The following SLC25A24 variants were observed in gnomAD, a reference collection of about 807,000 sequenced individuals.
SLC25A24 encodes the protein solute carrier family 25 member 24.
SLC25A24 carries 49 observed loss-of-function variants against 60.7 expected under a neutral mutation model. The ratio of observed to expected loss-of-function variants is 0.81; its 90% CI spans 0.64 to 1.02. The LOEUF is 1.02. SLC25A24 is among the 50% of genes least tolerant of loss of function. SLC25A24 has a pLI of 0.00. For synonymous variants in SLC25A24, 202 were observed against 200.6 expected (o/e 1.01, Z -0.06); for missense variants, 564 against 586.3 (o/e 0.96, Z 0.39).
Position 108,151,960 on chromosome 1 carries a change from C to A in SLC25A24, c.822+3023G>T, listed in dbSNP as rs139472622. On this transcript the variant is annotated intron_variant, in intron 6 of 9. Coordinates refer to ENST00000565488, the MANE Select transcript of SLC25A24 (RefSeq NM_013386.5). Reference sequence around the variant, plus strand: ...TCCAAAATATTTCTCAGTTCATTCCCTTCTCCATTCCTTAAAGACATCACC... The same window carrying A: ...TCCAAAATATTTCTCAGTTCATTCCATTCTCCATTCCTTAAAGACATCACC... Among the ~76,000 whole-genome samples, 11 of 152,238 alleles carry A rather than the reference C, an allele frequency of 7.2e-5. No homozygotes were observed. The East Asian group carries it at 2.1e-3, about 29-fold the overall frequency.
intron 1 of SLC25A24, chr1:108,192,819 A>C: frequency 8.1e-7 from 1 of 1,233,894 alleles, no homozygotes; most frequent in Non-Finnish European, 1.0e-6. Context: ...TAACGGCTTC[A>C]GCGCAAAGGC....
intron 7 of SLC25A24, among the ~76,000 whole-genome samples, chr1:108,147,412 C>T (rs1679634360): frequency 6.6e-6 from 1 of 152,188 alleles, no homozygotes; most frequent in African/African-American, 2.4e-5. Flanking sequence ...CTATCTCCTT[C>T]AGTTCTGCTC....
Position 108,139,117 on chromosome 1 carries a change from G to T in SLC25A24, c.1190C>A (p.Thr397Asn). ...TGGGTAGCTGGCCAGCTGACCACAG[G>T]TGCTGGATAAGGCACCGCATCCCAG... is the stretch of plus-strand genomic sequence containing the variant. The part of the protein sequence containing the change: ...VLLGCGALSS[T>N]CGQLASYPLA... The change falls in exon 9 of 10, where the codon ACC becomes AAC. Residue 397 changes from threonine (T) to asparagine (N), a missense_variant. By Grantham distance (65) the Thr-to-Asn change is moderately conservative. Coordinates refer to ENST00000565488, the MANE Select transcript of SLC25A24 (RefSeq NM_013386.5). 1 of 1,610,558 alleles carries T rather than the reference G, an allele frequency of 6.2e-7. No homozygotes were observed. Among genetic ancestry groups the T allele is most frequent in the South Asian group, 1.1e-5 (1 of 90,078 alleles).
intron 3 of SLC25A24, among the ~76,000 whole-genome samples, chr1:108,165,790 T>G (rs1203079974): frequency 6.6e-6 from 1 of 152,200 alleles, no homozygotes; most frequent in Non-Finnish European, 1.5e-5. Flanking sequence ...TTAGTCCATT[T>G]ACATTTAAAG....
chr1:108,164,143 C>T lies in SLC25A24; in HGVS notation c.399-2850G>A, dbSNP rs868296948. Among the ~76,000 whole-genome samples, 704 of 151,900 alleles carry T rather than the reference C, an allele frequency of 4.6e-3. 4 individuals carry two copies. The highest frequency in any genetic ancestry group is 0.016 in the African/African-American group (660 of 41,448). On this transcript the variant is annotated intron_variant, in intron 3 of 9. Coordinates refer to ENST00000565488, the MANE Select transcript of SLC25A24 (RefSeq NM_013386.5). The stretch of plus-strand genomic sequence containing the variant: ...AGCCTTGCATCCCAGGGATGAAGCC[C>T]ACTTGATCATGGTGGATAAGCTTTT...
Position 108,200,062 on chromosome 1 carries a change from G to T in SLC25A24, c.77C>A (p.Thr26Asn), listed in dbSNP as rs1226913805. Residue 26 changes from threonine (T) to asparagine (N), a missense_variant, in exon 1 of 10, where the codon ACC becomes AAC. Coordinates refer to ENST00000565488, the MANE Select transcript of SLC25A24 (RefSeq NM_013386.5). ...QDAEQPTRYE[T>N]LFQALDRNGD... ...ATTGCGGTCCAGTGCCTGGAAGAGGGTCTCGTAGCGCGTCGGCTGCTCCGC... is the reference window on the plus strand; with the variant it reads ...ATTGCGGTCCAGTGCCTGGAAGAGGTTCTCGTAGCGCGTCGGCTGCTCCGC... 2 of 1,599,434 alleles carry T rather than the reference G, an allele frequency of 1.3e-6. No individual in the cohort carries two copies. The highest frequency in any genetic ancestry group is 2.3e-5 in the East Asian group (1 of 44,412).
At chr1:108,184,793 G>A (rs748600672) in intron 2 of SLC25A24, among the ~76,000 whole-genome samples, 10 of 152,022 alleles carry the variant, frequency 6.6e-5, no homozygotes, top group Non-Finnish European at 1.5e-4. Context: ...CTGGACTTCT[G>A]GACAAAAAAG....
intron 6 of SLC25A24, among the ~76,000 whole-genome samples, chr1:108,154,652 G>C (rs1173368781): frequency 6.6e-6 from 1 of 152,120 alleles, no homozygotes; most frequent in East Asian, 1.9e-4. Flanking sequence ...CCAGAGGTTA[G>C]ATTGTGACAC....
In SLC25A24 at chr1:108,200,225, C is replaced by A. The variant is rs1157425073; in HGVS notation, c.-87G>T. On this transcript the variant is annotated 5_prime_UTR_variant, in exon 1 of 10. Coordinates refer to ENST00000565488, the MANE Select transcript of SLC25A24 (RefSeq NM_013386.5). Reference sequence around the variant, plus strand: ...AGACCGGGACCAGCGCGAGGCCGGGCTGGGCGGGGCGCGCGGCGCAACAGC... The same window carrying A: ...AGACCGGGACCAGCGCGAGGCCGGGATGGGCGGGGCGCGCGGCGCAACAGC... The A allele has an allele frequency of 3.1e-6, 4 of 1,302,606 alleles. No individual in the cohort carries two copies. In the East Asian group the frequency reaches 9.0e-5, roughly 29 times the overall value. The allele number at this position is 1,302,606 out of a possible 1,614,324, so 80.7% of individuals were successfully genotyped here.
chr1:108,164,284 T>C (rs1270919216), intron 3 of SLC25A24, among the ~76,000 whole-genome samples: 2 of 152,076 alleles, frequency 1.3e-5, no homozygotes, highest in African/African-American at 2.4e-5. Context: ...CTGGCTTTGG[T>C]ATCAGGATGA....
intron 4 of SLC25A24, among the ~76,000 whole-genome samples, 190 bp downstream of exon 4, chr1:108,160,992 A>T (rs552037982): frequency 6.6e-6 from 1 of 152,012 alleles, no homozygotes; most frequent in East Asian, 1.9e-4. Flanking sequence ...GGAGAGGGAG[A>T]GGGAGAGCTG....
chr1:108,183,929 T>C (rs1022061085), intron 2 of SLC25A24, among the ~76,000 whole-genome samples: 11 of 152,310 alleles, frequency 7.2e-5, no homozygotes, highest in Non-Finnish European at 1.3e-4. Flanking sequence ...TGTGAGTATA[T>C]ATTTTGGGGT....
At chr1:108,181,423 A>G (rs934819776) in intron 3 of SLC25A24, among the ~76,000 whole-genome samples, 7 of 152,242 alleles carry the variant, frequency 4.6e-5, no homozygotes, top group African/African-American at 1.2e-4. Flanking sequence ...TTAAGAGTAT[A>G]AAAGTCTGAC....
At chr1:108,190,000 T>C (rs1002680227) in intron 1 of SLC25A24, among the ~76,000 whole-genome samples, 1 of 152,016 alleles carries the variant, frequency 6.6e-6, no homozygotes, top group African/African-American at 2.4e-5. Context: ...ATATGAAAGA[T>C]TAGGAATGGA....
At chr1:108,187,570 T>C (rs1228818638) in intron 1 of SLC25A24, among the ~76,000 whole-genome samples, 2 of 152,098 alleles carry the variant, frequency 1.3e-5, no homozygotes, top group Non-Finnish European at 2.9e-5. Flanking sequence ...AAACAACTTA[T>C]TAAAAACTGA....
At chr1:108,177,844 A>G (rs960777437) in intron 3 of SLC25A24, among the ~76,000 whole-genome samples, 2 of 152,114 alleles carry the variant, frequency 1.3e-5, no homozygotes, top group Admixed American at 1.3e-4. Context: ...ATATATATGA[A>G]CCCAACATCA....
Position 108,135,237 on chromosome 1 carries a change from T to A in SLC25A24, c.*1416A>T, listed in dbSNP as rs1313165434. 6.6e-6 allele frequency: 1 copy of A among 152,544 alleles called. No individual in the cohort carries two copies. Among genetic ancestry groups the A allele is most frequent in the Non-Finnish European group, 1.5e-5 (1 of 67,990 alleles). 9.4% of individuals were successfully genotyped at this position (152,544 alleles called of 1,614,324 possible). A position where few individuals can be genotyped will look rare whatever the true frequency, so the allele number is the denominator to read the frequency against. ...ACTAATATAAATGAAACTACATTTT[T>A]AAAAATGTTTCACAAACACCAGTCC... On this transcript the variant is annotated 3_prime_UTR_variant, in exon 10 of 10. Coordinates refer to ENST00000565488, the MANE Select transcript of SLC25A24 (RefSeq NM_013386.5).
Position 108,134,815 on chromosome 1 carries a change from A to G in SLC25A24, c.*1838T>C, listed in dbSNP as rs1258697268. The G allele has an allele frequency of 6.6e-6, 1 of 152,166 alleles. No homozygotes were observed. Among genetic ancestry groups the G allele is most frequent in the Admixed American group, 6.5e-5 (1 of 15,276 alleles). The allele number at this position is 152,166 out of a possible 1,614,324, so 9.4% of individuals were successfully genotyped here. A position where few individuals can be genotyped will look rare whatever the true frequency, so the allele number is the denominator to read the frequency against. On this transcript the variant is annotated 3_prime_UTR_variant, in exon 10 of 10. Coordinates refer to ENST00000565488, the MANE Select transcript of SLC25A24 (RefSeq NM_013386.5). ...CTCTAAAAAAAATAAAAACTGGAAAACAAGTAATTTTAGAAACAAATATAT... is the reference window on the plus strand; with the variant it reads ...CTCTAAAAAAAATAAAAACTGGAAAGCAAGTAATTTTAGAAACAAATATAT...
At chr1:108,138,643 CAA>C (rs1679356648) in intron 9 of SLC25A24, among the ~76,000 whole-genome samples, 1 of 152,178 alleles carries the variant, frequency 6.6e-6, no homozygotes, top group Admixed American at 6.5e-5. Context: ...TTAACAAACC[CAA>C]GATGCTTTAT....
Sources: gnomAD v4.1 joint callset for allele counts (sites outside exome capture counted in the v4.1 genomes callset) on GRCh38, gnomAD v4.1.1 for gene constraint, MANE v1.5 for transcripts, NCBI Gene and HGNC (gene_info 2026-07-23, HGNC 2026-07-21) for gene names.